Variants in UNC45A observed in about 807,000 individuals in gnomAD.
UNC45A encodes the protein protein unc-45 homolog A.
In UNC45A, 78 loss-of-function variants were observed where a neutral mutation model predicts 103.2. The ratio of observed to expected loss-of-function variants is 0.76; its 90% CI spans 0.63 to 0.91. The LOEUF (loss-of-function observed/expected upper bound fraction) is 0.91. UNC45A is among the 40% of genes least tolerant of loss of function. The pLI is 0.00. For missense variants in UNC45A, 1,193 were observed against 1,224.8 expected (o/e 0.97, Z 0.39); for synonymous variants, 495 against 504.6 (o/e 0.98, Z 0.25).
rs746250140 is a variant in UNC45A, at chr15:90,944,967, G to A, written c.1103G>A (p.Arg368His). 5.0e-6 allele frequency: 8 copies of A among 1,612,640 alleles called. No individual in the cohort carries two copies. The highest frequency in any genetic ancestry group is 2.2e-5 in the East Asian group (1 of 44,890). Residue 368 changes from arginine to histidine, a missense_variant, in exon 9 of 20, where the codon CGC (arginine) becomes CAC (histidine). Transcript: ENST00000418476. Reference sequence around the variant, plus strand: ...GAGCTCGCAGTGACCGCAAACAGCCGCATGAGCGCCTCTATTCTCCTCAGC... The same window carrying A: ...GAGCTCGCAGTGACCGCAAACAGCCACATGAGCGCCTCTATTCTCCTCAGC... ...PGELAVTANS[R>H]MSASILLSKL... is the part of the protein sequence containing the mutation.
rs749766017 is a variant in UNC45A at position 90,945,076 on chromosome 15, G to A, written c.1199+13G>A. On this transcript the variant is annotated intron_variant, in intron 9 of 19. Coordinates refer to ENST00000418476, the MANE Select transcript of UNC45A (RefSeq NM_018671.5). ...AAAACTACATCAAGTAAGGAAGTCTGTTTCACCTCCCGTTGCCAGGGATTC... is the reference window on the plus strand; with the variant it reads ...AAAACTACATCAAGTAAGGAAGTCTATTTCACCTCCCGTTGCCAGGGATTC... The A allele has an allele frequency of 1.2e-6, 2 of 1,608,806 alleles. No individual in the cohort carries two copies. The highest frequency in any genetic ancestry group is 1.3e-5 in the African/African-American group (1 of 74,722).
At chr15:90,948,001 G>T in intron 11 of UNC45A, 111 bp downstream of exon 11, 1 of 1,495,904 alleles carries the variant, frequency 6.7e-7, no homozygotes, top group Non-Finnish European at 9.2e-7. Context: ...CTCAGGCAGG[G>T]GCTGCAGTCT....
In UNC45A at chr15:90,953,730, G is replaced by C. The variant is rs2037066389; in HGVS notation, c.*14G>C. 1.2e-6 allele frequency: 2 copies of C among 1,611,954 alleles called. No homozygotes were observed. The highest frequency in any genetic ancestry group is 1.3e-5 in the African/African-American group (1 of 74,908). On this transcript the variant is annotated 3_prime_UTR_variant, in exon 20 of 20. Transcript: ENST00000418476. ...GATGGAGAGTGAGGGGGTTGTCCCT[G>C]GGCCCAAGGCTCATGCACACGCTAC...
Position 90,953,525 on chromosome 15 carries a change from G to A in UNC45A, c.2644G>A (p.Gly882Ser), listed in dbSNP as rs1171492743. The A allele has an allele frequency of 1.9e-6, 3 of 1,614,120 alleles. No homozygotes were observed. The change falls in exon 20 of 20, where the codon GGT becomes AGT. Residue 882 changes from glycine to serine, a missense_variant. Coordinates refer to ENST00000418476, the MANE Select transcript of UNC45A (RefSeq NM_018671.5). ...LSSNQELQHR[G>S]AVVVLNMVEA... is the part of the protein sequence containing the mutation. ...CTCCAACCAGGAGCTGCAGCACCGG[G>A]GTGCTGTGGTGGTGCTGAACATGGT...
rs1035034524 is a variant in UNC45A at position 90,953,708 on chromosome 15, GGA to G, written c.2831_2832del (p.Glu944ValfsTer51). ...EYGLIQPNQD[G>X]E is the part of the protein sequence containing the mutation. ...TGGGCTTATCCAACCCAACCAAGAT[GGA>G]GAGTGAGGGGGTTGTCCCTGGGCCC... On this transcript the variant is annotated frameshift_variant, in exon 20 of 20. Coordinates refer to ENST00000418476, the MANE Select transcript of UNC45A (RefSeq NM_018671.5). LOFTEE classifies it high-confidence loss of function. 6.2e-7 allele frequency: 1 copy of G among 1,613,620 alleles called. No homozygotes were observed. Among genetic ancestry groups the G allele is most frequent in the Non-Finnish European group, 8.5e-7 (1 of 1,179,778 alleles).
chr15:90,935,148 C>G (rs1243305957), upstream of UNC45A: 1 of 639,954 alleles, frequency 1.6e-6, no homozygotes, highest in Non-Finnish European at 2.7e-6. Flanking sequence ...CCTGCACCTG[C>G]GATCCAGAGC....
Position 90,953,240 on chromosome 15 carries a change from G to T in UNC45A, c.2507G>T (p.Arg836Leu). The T allele has an allele frequency of 1.9e-6, 3 of 1,613,716 alleles. No individual in the cohort carries two copies. The highest frequency in any genetic ancestry group is 2.5e-6 in the Non-Finnish European group (3 of 1,180,022). ...YSGEDDELLQ[R>L]AAAGGLAMLT... ...GGAGAGGATGATGAGCTGCTACAGC[G>T]GGCAGCTGCCGGGGGCTTGGCCATG... Residue 836 changes from arginine to leucine, a missense_variant, in exon 19 of 20, where the codon CGG becomes CTG. Coordinates refer to ENST00000418476, the MANE Select transcript of UNC45A (RefSeq NM_018671.5).
chr15:90,947,298 C>G lies in UNC45A; in HGVS notation c.1500+384C>G, dbSNP rs74942399. On this transcript the variant is annotated intron_variant, in intron 10 of 19. Transcript: ENST00000418476. ...GGGCCTGCAGGGGTCATGCAGTGTT[C>G]CTGGGAGCTGGTGGTTTGGGGGTTT... 2.2e-4 allele frequency: 58 copies of G among 263,442 alleles called. No individual in the cohort carries two copies. The South Asian group carries it at 2.7e-3, about 12-fold the overall frequency. The allele number at this position is 263,442 out of a possible 1,614,324, so 16.3% of individuals were successfully genotyped here.
intron 10 of UNC45A, chr15:90,947,311 G>C (rs1373894302): frequency 3.9e-6 from 1 of 256,776 alleles, no homozygotes; most frequent in African/African-American, 2.2e-5. Flanking sequence ...GGGAGCTGGT[G>C]GTTTGGGGGT....
chr15:90,946,048 T>C (rs1415658785), intron 9 of UNC45A, among the ~76,000 whole-genome samples: 1 of 144,618 alleles, frequency 6.9e-6, no homozygotes, highest in Non-Finnish European at 1.5e-5. Context: ...AGGTCAGGAG[T>C]TCGAGACCAG....
chr15:90,953,319 C>G lies in UNC45A; in HGVS notation c.2577+9C>G. 1 of 1,604,754 alleles carries G rather than the reference C, an allele frequency of 6.2e-7. No individual in the cohort carries two copies. The highest frequency in any genetic ancestry group is 1.1e-5 in the South Asian group (1 of 89,702). ...GCCGCATTCCCCAAGTGGTCAGTGC[C>G]TCTTCTCAGTGGGGGAGGAGGGACG... is the stretch of plus-strand genomic sequence containing the variant. On this transcript the variant is annotated intron_variant, in intron 19 of 19. Coordinates refer to ENST00000418476, the MANE Select transcript of UNC45A (RefSeq NM_018671.5).
intron 1 of UNC45A, 80 bp downstream of exon 1, chr15:90,935,455 C>T (rs2035958536): frequency 4.4e-6 from 7 of 1,576,886 alleles, no homozygotes; most frequent in Non-Finnish European, 6.0e-6. Flanking sequence ...ATCCATGAGG[C>T]TCGCCCCGAT....
intron 16 of UNC45A, 43 bp from the exon 17 acceptor site, chr15:90,950,457 G>A (rs150705326): frequency 0.017 from 26,451 of 1,600,472 alleles, 280 homozygotes; most frequent in Non-Finnish European, 0.02. Flanking sequence ...GGGCTTGTGG[G>A]GGCTGCGGCA....
In UNC45A at chr15:90,940,441, C is replaced by G. The variant is rs776349965; in HGVS notation, c.655C>G (p.Leu219Val). Residue 219 changes from leucine (L) to valine (V), a missense_variant, in exon 6 of 20, where the codon CTG becomes GTG. By Grantham distance (32) the Leu-to-Val change is conservative. Transcript: ENST00000418476. ...TDLMLAALRT[L>V]VGICSEHQSR... is the part of the protein sequence containing the mutation. Reference sequence around the variant, plus strand: ...CCTCATGCTGGCGGCTCTGCGTACGCTGGTTGGCATTTGCTCTGAGCATCA... The same window carrying G: ...CCTCATGCTGGCGGCTCTGCGTACGGTGGTTGGCATTTGCTCTGAGCATCA... 6.2e-7 allele frequency: 1 copy of G among 1,613,942 alleles called. No individual in the cohort carries two copies. The highest frequency in any genetic ancestry group is 2.2e-5 in the East Asian group (1 of 44,882).
rs925628384 is a variant in UNC45A, at chr15:90,936,328, G to A, written c.294G>A (p.Arg98=). The A allele has an allele frequency of 3.7e-6, 6 of 1,614,098 alleles. No homozygotes were observed. The Admixed American group carries it at 5.0e-5, about 13-fold the overall frequency. ...DGGDVKALYR[R]SQALEKLGRL... The stretch of plus-strand genomic sequence containing the variant: ...GGGATGTCAAAGCACTCTACCGGCG[G>A]AGCCAAGCCCTAGAGAAGCTGGGCC... The change falls in exon 4 of 20, where the codon CGG becomes CGA. Residue 98 remains arginine (R), a synonymous_variant. Coordinates refer to ENST00000418476, the MANE Select transcript of UNC45A (RefSeq NM_018671.5).
At chr15:90,936,592 T>C (rs2036035617) in intron 4 of UNC45A, 132 bp downstream of exon 4, 1 of 1,043,282 alleles carries the variant, frequency 9.6e-7, no homozygotes, top group Admixed American at 2.9e-5. Context: ...GAAAAGCAAA[T>C]TAAGATGACA....
chr15:90,945,042 G>A lies in UNC45A; in HGVS notation c.1178G>A (p.Arg393Lys). 1 of 1,612,752 alleles carries A rather than the reference G, an allele frequency of 6.2e-7. No homozygotes were observed. Among genetic ancestry groups the A allele is most frequent in the Non-Finnish European group, 8.5e-7 (1 of 1,179,966 alleles). The stretch of plus-strand genomic sequence containing the variant: ...GATGCGGAGAGGGAGAATTTCCACA[G>A]ACTTTGTGAAAACTACATCAAGTAA... ...KCDAERENFH[R>K]LCENYIKSWF... The change falls in exon 9 of 20, where the codon AGA becomes AAA. Residue 393 changes from arginine to lysine, a missense_variant. Transcript: ENST00000418476.
At chr15:90,949,802 G>A in intron 15 of UNC45A, 82 bp downstream of exon 15, 1 of 1,408,472 alleles carries the variant, frequency 7.1e-7, no homozygotes, top group Non-Finnish European at 1.0e-6. Context: ...CGCCAGAGCT[G>A]GGTGTTAGAT....
chr15:90,948,315 G>C (rs1272300630), intron 12 of UNC45A, 32 bp downstream of exon 12: 6 of 1,610,828 alleles, frequency 3.7e-6, no homozygotes, highest in Non-Finnish European at 5.1e-6. Flanking sequence ...TCAGCCTGGG[G>C]ACACTGTCTA....
Sources: allele counts gnomAD v4.1 joint callset (sites outside exome capture counted in the v4.1 genomes callset), GRCh38; gene constraint gnomAD v4.1.1; transcripts MANE v1.5; gene names NCBI Gene and HGNC (gene_info 2026-07-23, HGNC 2026-07-21).